UNC13C: variants seen among roughly 807,000 people sequenced by gnomAD.
UNC13C encodes protein unc-13 homolog C.
Under a neutral mutation model 245.4 loss-of-function variants are expected in UNC13C, and 174 were observed. The ratio of observed to expected loss-of-function variants is 0.71; its 90% CI spans 0.63 to 0.80. The LOEUF is 0.80. Among genes scored for constraint, UNC13C ranks in the 30% least tolerant of loss-of-function variants. The pLI, the probability that UNC13C is intolerant of heterozygous loss-of-function variation, is 0.00. For missense variants in UNC13C, 2,829 were observed against 2,602.9 expected, an observed-to-expected ratio of 1.09 and a Z score of -1.89; for synonymous variants, 992 against 895.1, an observed-to-expected ratio of 1.11 and a Z score of -1.93.
At chr15:54,573,075 T>A (rs1897826837) in intron 30 of UNC13C, among the ~76,000 whole-genome samples, 2 of 152,184 alleles carry the variant, frequency 1.3e-5, no homozygotes, top group African/African-American at 2.4e-5. Context: ...TACTTCCCTT[T>A]AAAAATATGT....
chr15:53,948,011 G>C, the UNC13C span: 1 of 152,186 alleles, frequency 6.6e-6, no homozygotes. Flanking sequence ...TTTGCTATCT[G>C]ATTCAGTAGC....
At chr15:54,574,736 C>T (rs1335566348) in intron 30 of UNC13C, among the ~76,000 whole-genome samples, 2 of 152,126 alleles carry the variant, frequency 1.3e-5, no homozygotes, top group Non-Finnish European at 2.9e-5. Context: ...TGTTTGTACT[C>T]TATGATCTGT....
chr15:54,438,622 G>T (rs2140986599), intron 19 of UNC13C, among the ~76,000 whole-genome samples: 1 of 152,002 alleles, frequency 6.6e-6, no homozygotes, highest in African/African-American at 2.4e-5. Flanking sequence ...TCTCTAATTT[G>T]TTATCTAGGT....
At chr15:54,366,560 T>C (rs2039370969) in intron 17 of UNC13C, among the ~76,000 whole-genome samples, 1 of 152,144 alleles carries the variant, frequency 6.6e-6, no homozygotes, top group Admixed American at 6.6e-5. Context: ...ATATCTTAGG[T>C]TTACAAGGTT....
chr15:54,617,759 G>A lies in UNC13C; in HGVS notation c.6107-4568G>A, dbSNP rs184026079. 2.6e-5 allele frequency among the ~76,000 whole-genome samples: 4 copies of A among 152,236 alleles called. No individual in the cohort carries two copies. In the East Asian group the frequency reaches 5.8e-4, roughly 22 times the overall value. Reference sequence around the variant, plus strand: ...TTATTCATCATCTACCATCTTGGATGATGCCTAATGACTTACAGAACTGAA... The same window carrying A: ...TTATTCATCATCTACCATCTTGGATAATGCCTAATGACTTACAGAACTGAA... On this transcript the variant is annotated intron_variant, in intron 30 of 32. Coordinates refer to ENST00000260323, the MANE Select transcript of UNC13C (RefSeq NM_001080534.3).
At chr15:54,408,068 G>A (rs1456126990) in intron 18 of UNC13C, among the ~76,000 whole-genome samples, 1 of 151,638 alleles carries the variant, frequency 6.6e-6, no homozygotes, top group Admixed American at 6.6e-5. Context: ...GGGCATGGTG[G>A]CGGGCGCCTG....
the UNC13C span, among the ~76,000 whole-genome samples, chr15:53,915,490 A>G: frequency 6.6e-6 from 1 of 152,254 alleles, no homozygotes; most frequent in African/African-American, 2.4e-5. Flanking sequence ...TTAATTAATT[A>G]GTATTACAGC....
intron 10 of UNC13C, among the ~76,000 whole-genome samples, chr15:54,283,438 T>A (rs2037053963): frequency 6.6e-6 from 1 of 152,096 alleles, no homozygotes; most frequent in South Asian, 2.1e-4. Context: ...ATTTCCACAT[T>A]GTAAAAGATA....
intron 2 of UNC13C, among the ~76,000 whole-genome samples, chr15:54,030,885 GC>G (rs1896330733): frequency 6.6e-6 from 1 of 152,162 alleles, no homozygotes; most frequent in Non-Finnish European, 1.5e-5. Context: ...TGAGGGCAGA[GC>G]CCTCCTGATT....
intron 2 of UNC13C, among the ~76,000 whole-genome samples, chr15:54,023,163 C>T (rs989055273): frequency 6.6e-6 from 1 of 152,136 alleles, no homozygotes; most frequent in Non-Finnish European, 1.5e-5. Context: ...GTACTGTTAG[C>T]CTCATCTTAC....
intron 4 of UNC13C, among the ~76,000 whole-genome samples, chr15:54,156,621 T>A (rs1423939540): frequency 4.6e-5 from 7 of 151,936 alleles, no homozygotes; most frequent in Non-Finnish European, 1.0e-4. Flanking sequence ...AAAACACGGA[T>A]TACATGTAAC....
intron 30 of UNC13C, among the ~76,000 whole-genome samples, chr15:54,573,509 G>A (rs944258208): frequency 6.6e-6 from 1 of 152,302 alleles, no homozygotes; most frequent in South Asian, 2.1e-4. Context: ...TATTATTCTA[G>A]AAATGTACTG....
chr15:54,206,269 G>A (rs985717319), intron 4 of UNC13C, among the ~76,000 whole-genome samples: 2 of 151,516 alleles, frequency 1.3e-5, no homozygotes, highest in Admixed American at 6.6e-5. Context: ...ACCCATTATC[G>A]CCTGCTTAAC....
the UNC13C span, among the ~76,000 whole-genome samples, chr15:53,896,828 A>C: frequency 6.6e-6 from 1 of 152,078 alleles, no homozygotes; most frequent in Non-Finnish European, 1.5e-5. Flanking sequence ...AGCATTAAAA[A>C]CCACACCCTA....
chr15:54,074,774 G>A (rs1404361191), intron 2 of UNC13C, among the ~76,000 whole-genome samples: 5 of 152,074 alleles, frequency 3.3e-5, no homozygotes, highest in Non-Finnish European at 7.3e-5. Context: ...GGAGATTTGG[G>A]GGTGAGACAA....
the UNC13C span, among the ~76,000 whole-genome samples, chr15:53,870,029 T>G: frequency 6.6e-6 from 1 of 152,178 alleles, no homozygotes; most frequent in African/African-American, 2.4e-5. Context: ...TCCAAGAAGA[T>G]TTGTGTCTAT....
chr15:54,408,062 A>G (rs564638704), intron 18 of UNC13C, among the ~76,000 whole-genome samples: 29 of 151,542 alleles, frequency 1.9e-4, no homozygotes, highest in South Asian at 6.2e-4. Flanking sequence ...TTAGCCGGGC[A>G]TGGTGGCGGG....
upstream of UNC13C, among the ~76,000 whole-genome samples, chr15:53,976,534 C>T (rs112081464): frequency 0.13 from 16,376 of 125,714 alleles, 1,393 homozygotes; most frequent in African/African-American, 0.26. Flanking sequence ...TGCAATGGCG[C>T]GATCTTGGCT....
chr15:54,402,391 G>T (rs917089964), intron 18 of UNC13C, among the ~76,000 whole-genome samples: 1 of 152,094 alleles, frequency 6.6e-6, no homozygotes, highest in Non-Finnish European at 1.5e-5. Context: ...TACTGCCAAA[G>T]AATGCTTACC....
Sources: allele counts gnomAD v4.1 joint callset (sites outside exome capture counted in the v4.1 genomes callset), GRCh38; gene constraint gnomAD v4.1.1; transcripts MANE v1.5; gene names NCBI Gene and HGNC (gene_info 2026-07-23, HGNC 2026-07-21).